NDC1: variants seen among roughly 807,000 people sequenced by gnomAD.
NDC1 encodes the protein NDC1 transmembrane nucleoporin, also known as nucleoporin NDC1.
A neutral mutation model predicts 89.8 loss-of-function variants in NDC1; 24 were observed. The observed-to-expected ratio is 0.27, with a 90% confidence interval of 0.19 to 0.38. The LOEUF (loss-of-function observed/expected upper bound fraction) is 0.38, where lower values mean the gene tolerates loss of function less well. Ranked by LOEUF, NDC1 falls within the 10% of genes least tolerant of loss-of-function variation. The pLI is 1.00. For synonymous variants in NDC1, 296 were observed against 284.8 expected (o/e 1.04, Z -0.39); for missense variants, 728 against 797.6 (o/e 0.91, Z 1.05).
intron 6 of NDC1, among the ~76,000 whole-genome samples, chr1:53,816,655 A>AC (rs1251271718): frequency 6.6e-6 from 1 of 152,100 alleles, no homozygotes; most frequent in African/African-American, 2.4e-5. Flanking sequence ...CAAAAAAAAA[A>AC]AAAACAGCAA....
intron 3 of NDC1, among the ~76,000 whole-genome samples, chr1:53,831,166 A>G (rs12725248): frequency 6.8e-6 from 1 of 147,836 alleles, no homozygotes; most frequent in South Asian, 2.2e-4. Context: ...CAGAGCTTGC[A>G]GTGAGCCGAA....
rs1647072220 is a variant in NDC1, at chr1:53,767,154, C to T, written c.*816G>A. 6.6e-6 allele frequency: 1 copy of T among 152,116 alleles called. No individual in the cohort carries two copies. Among genetic ancestry groups the T allele is most frequent in the Non-Finnish European group, 1.5e-5 (1 of 68,010 alleles). 9.4% of individuals were successfully genotyped at this position (152,116 alleles called of 1,614,324 possible). A position where few individuals can be genotyped will look rare whatever the true frequency, so the allele number is the denominator to read the frequency against. ...TGGGTTTTTTTGCAAACCTTTTTCT[C>T]TTGCTTGAAAAACTCTGCAATCACT... On this transcript the variant is annotated 3_prime_UTR_variant, in exon 18 of 18. Coordinates refer to ENST00000371429, the MANE Select transcript of NDC1 (RefSeq NM_018087.5).
At chr1:53,813,284 C>T (rs1648371644) in intron 6 of NDC1, among the ~76,000 whole-genome samples, 1 of 152,138 alleles carries the variant, frequency 6.6e-6, no homozygotes, top group Non-Finnish European at 1.5e-5. Flanking sequence ...TATTTCAATA[C>T]TAACATTGAA....
chr1:53,831,099 C>T (rs143405677), intron 3 of NDC1, among the ~76,000 whole-genome samples: 2,058 of 151,812 alleles, frequency 0.014, 44 homozygotes, highest in African/African-American at 0.048. Flanking sequence ...GTGGCGGGTG[C>T]CTGTAGTCCC....
chr1:53,789,150 T>C lies in NDC1; in HGVS notation c.1682A>G (p.His561Arg). ...TTGCTTACCTTCTAATGCCCAAATA[T>C]GCATTTGGGCATCTGAAAAAACAGC... ...IQAVFSDAQM[H>R]IWALEGLSHL... The change falls in exon 15 of 18, where the codon CAT (histidine) becomes CGT (arginine). Residue 561 changes from histidine to arginine, a missense_variant. Physicochemically the swap from His to Arg is conservative, Grantham distance 29. Transcript: ENST00000371429. The C allele has an allele frequency of 6.2e-7, 1 of 1,601,850 alleles. No homozygotes were observed. The highest frequency in any genetic ancestry group is 2.2e-5 in the East Asian group (1 of 44,768).
chr1:53,801,758 A>C (rs531189190), intron 10 of NDC1, among the ~76,000 whole-genome samples: 4 of 152,162 alleles, frequency 2.6e-5, no homozygotes, highest in Middle Eastern at 3.4e-3. Flanking sequence ...CATCCAATTA[A>C]ATTTTTGTTT....
Position 53,835,586 on chromosome 1 carries a change from C to T in NDC1, c.92G>A (p.Trp31Ter). Reference sequence around the variant, plus strand: ...GCAGATGGGTAGAAATAGCACTGACCAAACAATACTTGCAACTATCCTCCA... The same window carrying T: ...GCAGATGGGTAGAAATAGCACTGACTAAACAATACTTGCAACTATCCTCCA... ...LGWRIVASIVWSVLFLPICTT... is the reference protein window; with the variant it reads ...LGWRIVASIV The change falls in exon 2 of 18, where the codon TGG becomes TAG. Residue 31 changes from tryptophan to a stop codon, truncating the protein, a stop_gained. Transcript: ENST00000371429. LOFTEE classifies it high-confidence loss of function. 1 of 1,612,554 alleles carries T rather than the reference C, an allele frequency of 6.2e-7. No homozygotes were observed. Among genetic ancestry groups the T allele is most frequent in the Non-Finnish European group, 8.5e-7 (1 of 1,179,096 alleles).
intron 17 of NDC1, among the ~76,000 whole-genome samples, chr1:53,770,603 G>A (rs1242062884): frequency 6.6e-6 from 1 of 151,736 alleles, no homozygotes; most frequent in East Asian, 1.9e-4. Flanking sequence ...CTCTGCAACC[G>A]GCCCATTCTC....
intron 17 of NDC1, among the ~76,000 whole-genome samples, chr1:53,768,931 ATT>A (rs1033767613): frequency 3.3e-5 from 5 of 152,116 alleles, no homozygotes; most frequent in Admixed American, 2.6e-4. Flanking sequence ...TTCCCATTAT[ATT>A]TCTCTCTGCT....
At chr1:53,818,782 C>CAT (rs1422401369) in intron 6 of NDC1, among the ~76,000 whole-genome samples, 189 bp downstream of exon 6, 1 of 152,168 alleles carries the variant, frequency 6.6e-6, no homozygotes, top group Admixed American at 6.5e-5. Context: ...TCGTTATAGG[C>CAT]ATATGTCACA....
rs1185503967 is a variant in NDC1, at chr1:53,835,489, G to A, written c.178+11C>T. 1.3e-6 allele frequency: 2 copies of A among 1,596,890 alleles called. No homozygotes were observed. The highest frequency in any genetic ancestry group is 1.7e-6 in the Non-Finnish European group (2 of 1,174,714). ...TCCTATAACTTTCTCCCCAAGTTGA[G>A]TATCACCTACCAGACAGCCACTGTA... On this transcript the variant is annotated intron_variant, in intron 2 of 17. Coordinates refer to ENST00000371429, the MANE Select transcript of NDC1 (RefSeq NM_018087.5).
chr1:53,825,966 A>C, intron 4 of NDC1, 30 bp from the exon 5 acceptor site: 5 of 1,605,618 alleles, frequency 3.1e-6, no homozygotes, highest in Non-Finnish European at 4.3e-6. Context: ...TTATTAATTC[A>C]ACAGTCAGGG....
At chr1:53,827,390 C>A (rs1648906310) in intron 4 of NDC1, among the ~76,000 whole-genome samples, 1 of 152,166 alleles carries the variant, frequency 6.6e-6, no homozygotes, top group Admixed American at 6.5e-5. Context: ...GATCCTCCTG[C>A]CTCAGCCTGC....
At chr1:53,812,919 C>A (rs1648359800) in intron 6 of NDC1, among the ~76,000 whole-genome samples, 1 of 152,150 alleles carries the variant, frequency 6.6e-6, no homozygotes, top group African/African-American at 2.4e-5. Context: ...TCAGCAGAAA[C>A]CCGACAAGCT....
At chr1:53,773,547 A>G (rs948466605) in intron 16 of NDC1, among the ~76,000 whole-genome samples, 2 of 152,194 alleles carry the variant, frequency 1.3e-5, no homozygotes, top group Non-Finnish European at 2.9e-5. Context: ...CTCGTTCACA[A>G]ATGCAAGTGG....
At chr1:53,781,843 T>C (rs1647211325) in intron 16 of NDC1, among the ~76,000 whole-genome samples, 1 of 152,208 alleles carries the variant, frequency 6.6e-6, no homozygotes, top group East Asian at 1.9e-4. Context: ...ATCAACCCAT[T>C]GCATCAGAAC....
intron 16 of NDC1, among the ~76,000 whole-genome samples, chr1:53,778,255 G>GTA (rs774623449): frequency 5.5e-4 from 68 of 123,622 alleles, no homozygotes; most frequent in Admixed American, 2.8e-3. Context: ...ATGTGTGTGT[G>GTA]TATATACACA....
At chr1:53,807,108 A>G (rs1332663459) in intron 8 of NDC1, among the ~76,000 whole-genome samples, 1 of 151,862 alleles carries the variant, frequency 6.6e-6, no homozygotes, top group African/African-American at 2.4e-5. Context: ...TTAGCCGGGC[A>G]TGGTGGCACA....
intron 5 of NDC1, among the ~76,000 whole-genome samples, chr1:53,824,561 C>A (rs1266358706): frequency 2.0e-5 from 3 of 152,166 alleles, no homozygotes; most frequent in Admixed American, 1.3e-4. Flanking sequence ...CCTGCCAGGG[C>A]ATGAATGAAG....
Sources: gnomAD v4.1 joint callset for allele counts (sites outside exome capture counted in the v4.1 genomes callset) on GRCh38, gnomAD v4.1.1 for gene constraint, MANE v1.5 for transcripts, NCBI Gene and HGNC (gene_info 2026-07-23, HGNC 2026-07-21) for gene names.